The following VAT1 variants were observed in gnomAD, a reference collection of about 807,000 sequenced individuals.
VAT1 encodes the protein vesicle amine transport 1.
VAT1 carries 24 observed loss-of-function variants against 33.3 expected under a neutral mutation model. The observed-to-expected ratio is 0.72, with a 90% CI of 0.52 to 1.01. The LOEUF is 1.01. Among genes scored for constraint, VAT1 ranks in the 50% least tolerant of loss-of-function variants. VAT1 has a pLI of 0.00. For missense variants in VAT1, 436 were observed against 533.7 expected, an observed-to-expected ratio of 0.82 and a Z score of 1.80; for synonymous variants, 212 against 225.0, an observed-to-expected ratio of 0.94 and a Z score of 0.52.
At chr17:43,020,329 G>C in intron 1 of VAT1, 2 of 984,092 alleles carry the variant, frequency 2.0e-6, no homozygotes, top group South Asian at 4.7e-5. Flanking sequence ...ATGGAGGGGA[G>C]GTGAGGTGGG....
intron 4 of VAT1, among the ~76,000 whole-genome samples, 184 bp from the exon 5 acceptor site, chr17:43,016,732 T>C (rs2050523565): frequency 6.6e-6 from 1 of 152,162 alleles, no homozygotes; most frequent in East Asian, 1.9e-4. Flanking sequence ...TAAATTGCTC[T>C]AGGGGCTGGG....
intron 1 of VAT1, chr17:43,019,386 A>T (rs2050547138): frequency 6.5e-6 from 1 of 152,788 alleles, no homozygotes; most frequent in Non-Finnish European, 1.5e-5. Context: ...TAATAATAAT[A>T]ATAATATAAT....
At chr17:43,018,501 G>A (rs2050539485) in intron 2 of VAT1, 91 bp downstream of exon 2, 4 of 1,447,416 alleles carry the variant, frequency 2.8e-6, no homozygotes, top group Non-Finnish European at 3.8e-6. Flanking sequence ...GCCTGGTGTT[G>A]CCATGACAAC....
In VAT1 at chr17:43,022,351, C is replaced by A; in HGVS notation, c.-29G>T. ...TGGGACTCCCGACGAGAGCGCACAG[C>A]TGGATGGAGAGTGCACAGCTGGGGA... On this transcript the variant is annotated 5_prime_UTR_variant, in exon 1 of 6. Coordinates refer to ENST00000355653, the MANE Select transcript of VAT1 (RefSeq NM_006373.4). 6.5e-7 allele frequency: 1 copy of A among 1,532,362 alleles called. No homozygotes were observed. The highest frequency in any genetic ancestry group is 8.7e-7 in the Non-Finnish European group (1 of 1,144,122). The allele number at this position is 1,532,362 out of a possible 1,614,324, so 94.9% of individuals were successfully genotyped here. A position where few individuals can be genotyped will look rare whatever the true frequency, so the allele number is the denominator to read the frequency against.
intron 4 of VAT1, 57 bp from the exon 5 acceptor site, chr17:43,016,605 G>A: frequency 6.3e-7 from 1 of 1,592,004 alleles, no homozygotes; most frequent in South Asian, 1.1e-5. Context: ...CTGTGTGTCT[G>A]CATCTGTGCT....
intron 5 of VAT1, 39 bp downstream of exon 5, chr17:43,016,268 G>C: frequency 6.2e-7 from 1 of 1,607,218 alleles, no homozygotes; most frequent in Non-Finnish European, 8.5e-7. Context: ...GCCTTCATGA[G>C]TCCTACCCAA....
Position 43,018,192 on chromosome 17 carries a change from C to A in VAT1, c.610G>T (p.Ala204Ser), listed in dbSNP as rs1381889678. The A allele has an allele frequency of 6.2e-7, 1 of 1,609,048 alleles. No individual in the cohort carries two copies. Among genetic ancestry groups the A allele is most frequent in the East Asian group, 2.2e-5 (1 of 44,756 alleles). ...ACTGTACGGCACAGCTGCACGGCAGCCATACCCACACCCCCTGCAGCAAGA... is the reference window on the plus strand; with the variant it reads ...ACTGTACGGCACAGCTGCACGGCAGACATACCCACACCCCCTGCAGCAAGA... ...VHMAAGGVGM[A>S]AVQLCRTVEN... The change falls in exon 3 of 6, where the codon GCT becomes TCT. Residue 204 changes from alanine to serine, a missense_variant. This residue lies in a region of VAT1 where 282 missense variants were observed against 405.4 expected (regional missense o/e 0.70). Coordinates refer to ENST00000355653, the MANE Select transcript of VAT1 (RefSeq NM_006373.4).
rs1419851724 is a variant in VAT1, at chr17:43,015,746, G to C, written c.*315C>G. ...AGGTGAAAGCACATGGAACACAACA[G>C]GGGGGACTGGCTAACCTTGGCACAA... On this transcript the variant is annotated 3_prime_UTR_variant, in exon 6 of 6. Coordinates refer to ENST00000355653, the MANE Select transcript of VAT1 (RefSeq NM_006373.4). 17 of 440,504 alleles carry C rather than the reference G, an allele frequency of 3.9e-5. No individual in the cohort carries two copies. The highest frequency in any genetic ancestry group is 5.4e-5 in the Non-Finnish European group (13 of 240,918). The allele number at this position is 440,504 out of a possible 1,614,324, so 27.3% of individuals were successfully genotyped here.
chr17:43,020,102 A>T (rs2050554354), intron 1 of VAT1: 1 of 985,354 alleles, frequency 1.0e-6, no homozygotes, highest in Admixed American at 6.2e-5. Context: ...ATTTAGGGTC[A>T]TGGCCAGTCC....
rs546503245 is a variant in VAT1 at position 43,014,751 on chromosome 17, T to C, written c.*1310A>G. 2.6e-5 allele frequency: 4 copies of C among 154,846 alleles called. No individual in the cohort carries two copies. The highest frequency in any genetic ancestry group is 4.3e-5 in the Non-Finnish European group (3 of 69,478). The allele number at this position is 154,846 out of a possible 1,614,324, so 9.6% of individuals were successfully genotyped here. ...GCTGAGCCTGTCCCTCCACCTCCCA[T>C]TGCAATGGTTGGGGCAATAACCCTC... On this transcript the variant is annotated 3_prime_UTR_variant, in exon 6 of 6. Transcript: ENST00000355653.
rs1419851724 is a variant in VAT1, at chr17:43,015,746, G to T, written c.*315C>A. 6.8e-6 allele frequency: 3 copies of T among 440,504 alleles called. No homozygotes were observed. The highest frequency in any genetic ancestry group is 6.0e-5 in the African/African-American group (3 of 50,186). The allele number at this position is 440,504 out of a possible 1,614,324, so 27.3% of individuals were successfully genotyped here. ...AGGTGAAAGCACATGGAACACAACA[G>T]GGGGGACTGGCTAACCTTGGCACAA... On this transcript the variant is annotated 3_prime_UTR_variant, in exon 6 of 6. Transcript: ENST00000355653.
Position 43,015,893 on chromosome 17 carries a change from G to T in VAT1, c.*168C>A. ...TGGTCACTTCCCAACCTCTTCAGAG[G>T]TCAGGAAGCGGGGAGGGGCAGGGGA... On this transcript the variant is annotated 3_prime_UTR_variant, in exon 6 of 6. Transcript: ENST00000355653. 1.3e-6 allele frequency: 1 copy of T among 766,618 alleles called. No individual in the cohort carries two copies. The highest frequency in any genetic ancestry group is 2.2e-6 in the Non-Finnish European group (1 of 452,894). 47.5% of individuals were successfully genotyped at this position (766,618 alleles called of 1,614,324 possible). A position where few individuals can be genotyped will look rare whatever the true frequency, so the allele number is the denominator to read the frequency against.
chr17:43,021,118 G>T (rs1490305998), intron 1 of VAT1, among the ~76,000 whole-genome samples: 2 of 152,260 alleles, frequency 1.3e-5, no homozygotes, highest in Admixed American at 1.3e-4. Flanking sequence ...TTCTGAAGTG[G>T]GGGTCCTCTG....
intron 4 of VAT1, 28 bp downstream of exon 4, chr17:43,017,813 T>G (rs746801988): frequency 1.2e-6 from 2 of 1,609,158 alleles, no homozygotes; most frequent in South Asian, 2.2e-5. Flanking sequence ...CCTCACATGC[T>G]CTCTCCATCC....
intron 1 of VAT1, 127 bp from the exon 2 acceptor site, chr17:43,018,926 GTAA>G (rs55845054): frequency 0.99 from 698,741 of 705,550 alleles, 346,119 homozygotes; most frequent in South Asian, 1. Flanking sequence ...AATAGTCATG[GTAA>G]TAATAATAAT....
At position 43,015,794 on chromosome 17, in the gene VAT1, A is replaced by C; in HGVS notation, c.*267T>G. The C allele has an allele frequency of 1.9e-6, 1 of 533,790 alleles. No individual in the cohort carries two copies. The highest frequency in any genetic ancestry group is 3.3e-6 in the Non-Finnish European group (1 of 298,654). The allele number at this position is 533,790 out of a possible 1,614,324, so 33.1% of individuals were successfully genotyped here. A position where few individuals can be genotyped will look rare whatever the true frequency, so the allele number is the denominator to read the frequency against. On this transcript the variant is annotated 3_prime_UTR_variant, in exon 6 of 6. Transcript: ENST00000355653. ...CAAAAGCAGCACAGCAGGCCCGGGG[A>C]AAGGGTGGGGGCAGGAAGCAGCCGG...
At chr17:43,020,745 C>T (rs1173231916) in intron 1 of VAT1, among the ~76,000 whole-genome samples, 1 of 151,840 alleles carries the variant, frequency 6.6e-6, no homozygotes, top group Admixed American at 6.6e-5. Flanking sequence ...CATGGTGGCG[C>T]ATGCCTGTAA....
Position 43,015,535 on chromosome 17 carries a change from T to G in VAT1, c.*526A>C. ...AGAAGCCCAATTGTGCTTAAGAAGT[T>G]GGGGACAGAGGACGAGATTGGGAAC... On this transcript the variant is annotated 3_prime_UTR_variant, in exon 6 of 6. Coordinates refer to ENST00000355653, the MANE Select transcript of VAT1 (RefSeq NM_006373.4). 1 of 159,294 alleles carries G rather than the reference T, an allele frequency of 6.3e-6. No individual in the cohort carries two copies. Among genetic ancestry groups the G allele is most frequent in the Admixed American group, 6.0e-5 (1 of 16,768 alleles). The allele number at this position is 159,294 out of a possible 1,614,324, so 9.9% of individuals were successfully genotyped here. A position where few individuals can be genotyped will look rare whatever the true frequency, so the allele number is the denominator to read the frequency against.
At position 43,017,899 on chromosome 17, in the gene VAT1, C is replaced by T. The variant is rs752747182; in HGVS notation, c.798G>A (p.Gly266=). 6.2e-7 allele frequency: 1 copy of T among 1,614,190 alleles called. No individual in the cohort carries two copies. The highest frequency in any genetic ancestry group is 8.5e-7 in the Non-Finnish European group (1 of 1,180,036). The change falls in exon 4 of 6, where the codon GGG becomes GGA. Residue 266 remains glycine (G), a synonymous_variant. Transcript: ENST00000355653. ...GVDIVMDPLG[G]SDTAKGYNLL... ...GGTTGTAGCCCTTGGCAGTATCTGACCCACCCAGAGGGTCCATGACAATGT... is the reference window on the plus strand; with the variant it reads ...GGTTGTAGCCCTTGGCAGTATCTGATCCACCCAGAGGGTCCATGACAATGT...
Sources: gnomAD v4.1 joint callset for allele counts (sites outside exome capture counted in the v4.1 genomes callset) on GRCh38, gnomAD v4.1.1 for gene constraint, gnomAD v4.1.1 regional missense constraint, MANE v1.5 for transcripts, NCBI Gene and HGNC (gene_info 2026-07-23, HGNC 2026-07-21) for gene names.